Variants in LRRC4C observed in about 807,000 individuals in gnomAD.
LRRC4C encodes the protein leucine-rich repeat-containing protein 4C.
LRRC4C carries 5 observed loss-of-function variants against 33.6 expected under a neutral mutation model. The ratio of observed to expected loss-of-function variants is 0.15; its 90% CI spans 0.08 to 0.31. The LOEUF is 0.31. LRRC4C is among the 10% of genes least tolerant of loss of function. LRRC4C has a pLI of 1.00. For missense variants in LRRC4C, 560 were observed against 796.7 expected (o/e 0.70, Z 3.58); for synonymous variants, 329 against 302.0 (o/e 1.09, Z -0.93).
At chr11:40,654,925 G>GA (rs1441323596) in intron 2 of LRRC4C, among the ~76,000 whole-genome samples, 1 of 152,138 alleles carries the variant, frequency 6.6e-6, no homozygotes, top group Non-Finnish European at 1.5e-5. Flanking sequence ...AGATCTGATG[G>GA]TTTTTTAAGT....
chr11:40,599,364 T>G (rs1428954106), intron 3 of LRRC4C, among the ~76,000 whole-genome samples: 3 of 152,126 alleles, frequency 2.0e-5, no homozygotes, highest in Non-Finnish European at 4.4e-5. Context: ...GGCAGCGGGA[T>G]AGCTTGAGCC....
At chr11:40,270,047 C>A (rs1942572394) in intron 4 of LRRC4C, among the ~76,000 whole-genome samples, 1 of 152,122 alleles carries the variant, frequency 6.6e-6, no homozygotes, top group African/African-American at 2.4e-5. Flanking sequence ...TAGGGAACCC[C>A]TACGCCTCCC....
chr11:41,249,100 T>A (rs916019384), intron 1 of LRRC4C, among the ~76,000 whole-genome samples: 14 of 151,604 alleles, frequency 9.2e-5, no homozygotes, highest in Non-Finnish European at 1.9e-4. Context: ...AGTGGCACGA[T>A]CTCGGCTCAC....
At chr11:41,190,200 C>T (rs1945880108) in intron 1 of LRRC4C, among the ~76,000 whole-genome samples, 1 of 152,032 alleles carries the variant, frequency 6.6e-6, no homozygotes, top group African/African-American at 2.4e-5. Flanking sequence ...TGCTGTTGCC[C>T]TGATCACTTG....
At chr11:40,273,526 C>T (rs893498269) in intron 4 of LRRC4C, among the ~76,000 whole-genome samples, 2 of 152,082 alleles carry the variant, frequency 1.3e-5, no homozygotes, top group African/African-American at 2.4e-5. Flanking sequence ...TTACTTTTGA[C>T]AAGTTACTGA....
chr11:41,306,006 C>T (rs1357590336), intron 1 of LRRC4C, among the ~76,000 whole-genome samples: 2 of 145,792 alleles, frequency 1.4e-5, no homozygotes, highest in Non-Finnish European at 3.0e-5. Flanking sequence ...CCCTGGGCCC[C>T]CTTATTTCTT....
At chr11:41,147,254 T>A (rs980419642) in intron 1 of LRRC4C, among the ~76,000 whole-genome samples, 1 of 152,158 alleles carries the variant, frequency 6.6e-6, no homozygotes, top group Admixed American at 6.5e-5. Context: ...AGGTAAAACA[T>A]CCTTAGTAGG....
intron 2 of LRRC4C, among the ~76,000 whole-genome samples, chr11:40,847,097 A>C (rs1953218695): frequency 6.7e-6 from 1 of 149,186 alleles, no homozygotes; most frequent in South Asian, 2.1e-4. Context: ...TAATCTGCAA[A>C]GATAATTTGA....
chr11:40,432,904 G>A (rs963952476), intron 3 of LRRC4C, among the ~76,000 whole-genome samples: 25 of 152,130 alleles, frequency 1.6e-4, no homozygotes, highest in Admixed American at 1.6e-3. Flanking sequence ...TAGACCCAAT[G>A]TTAGCAATGA....
chr11:40,638,438 T>G (rs1483538795), intron 3 of LRRC4C, among the ~76,000 whole-genome samples: 1 of 152,214 alleles, frequency 6.6e-6, no homozygotes, highest in Non-Finnish European at 1.5e-5. Context: ...CTTAACCTTG[T>G]GCATAAGTCT....
At chr11:40,385,249 C>A (rs746960126) in intron 3 of LRRC4C, among the ~76,000 whole-genome samples, 1 of 152,092 alleles carries the variant, frequency 6.6e-6, no homozygotes, top group Non-Finnish European at 1.5e-5. Flanking sequence ...GTGAATGATT[C>A]ATTCTTCTTA....
intron 1 of LRRC4C, among the ~76,000 whole-genome samples, chr11:41,133,227 G>C (rs1343078028): frequency 6.6e-6 from 1 of 152,082 alleles, no homozygotes; most frequent in African/African-American, 2.4e-5. Flanking sequence ...ATGGCACTAG[G>C]CTAATATACC....
intron 6 of LRRC4C, among the ~76,000 whole-genome samples, chr11:40,125,226 A>G (rs545978711): frequency 1.3e-5 from 2 of 152,250 alleles, no homozygotes; most frequent in East Asian, 3.9e-4. Context: ...TCTCCCACTA[A>G]TAAGAAGAAA....
At chr11:40,498,239 T>C (rs1406327363) in intron 3 of LRRC4C, among the ~76,000 whole-genome samples, 18 of 152,016 alleles carry the variant, frequency 1.2e-4, no homozygotes, top group Non-Finnish European at 2.9e-5. Context: ...GGCAAGTGAG[T>C]TAACATCCCT....
At chr11:40,800,688 C>A (rs1403848724) in intron 2 of LRRC4C, among the ~76,000 whole-genome samples, 1 of 152,074 alleles carries the variant, frequency 6.6e-6, no homozygotes, top group Non-Finnish European at 1.5e-5. Flanking sequence ...ACTGTTCTTG[C>A]CACTATACCA....
intron 1 of LRRC4C, among the ~76,000 whole-genome samples, chr11:41,149,953 C>A (rs944166073): frequency 6.6e-6 from 1 of 152,120 alleles, no homozygotes; most frequent in African/African-American, 2.4e-5. Flanking sequence ...AAAATGCTAC[C>A]TGTAAATCAT....
chr11:40,799,862 C>G (rs1950973025), intron 2 of LRRC4C, among the ~76,000 whole-genome samples: 1 of 152,180 alleles, frequency 6.6e-6, no homozygotes, highest in African/African-American at 2.4e-5. Context: ...AAGTCCTGCA[C>G]AATTAAGATT....
intron 3 of LRRC4C, among the ~76,000 whole-genome samples, chr11:40,595,384 G>T (rs1158995519): frequency 6.6e-6 from 1 of 152,020 alleles, no homozygotes; most frequent in Non-Finnish European, 1.5e-5. Context: ...AGAGGAGTGA[G>T]TCTACCCTAA....
intron 3 of LRRC4C, among the ~76,000 whole-genome samples, chr11:40,325,215 A>G (rs891401412): frequency 6.6e-6 from 1 of 152,172 alleles, no homozygotes; most frequent in Non-Finnish European, 1.5e-5. Context: ...ACAGTGCAAA[A>G]TTTCTGAAGT....
Sources: gnomAD v4.1 joint callset for allele counts (sites outside exome capture counted in the v4.1 genomes callset) on GRCh38, gnomAD v4.1.1 for gene constraint, MANE v1.5 for transcripts, NCBI Gene and HGNC (gene_info 2026-07-23, HGNC 2026-07-21) for gene names.